SORCS3: variants seen among roughly 807,000 people sequenced by gnomAD.
The protein encoded by SORCS3 is sortilin related VPS10 domain containing receptor 3, also known as VPS10 domain-containing receptor SorCS3.
A neutral mutation model predicts 146.3 loss-of-function variants in SORCS3; 57 were observed. The observed-to-expected ratio is 0.39, with a 90% confidence interval of 0.31 to 0.49. SORCS3 has a LOEUF of 0.49. SORCS3 is among the 20% of genes least tolerant of loss of function. SORCS3 has a pLI of 0.92. For synonymous variants in SORCS3, 653 were observed against 618.5 expected (o/e 1.06, Z -0.83); for missense variants, 1,341 against 1,575.5 (o/e 0.85, Z 2.52).
At chr10:104,751,181 C>A (rs577263876) in intron 1 of SORCS3, among the ~76,000 whole-genome samples, 1 of 152,208 alleles carries the variant, frequency 6.6e-6, no homozygotes, top group African/African-American at 2.4e-5. Context: ...TGGTGCTAAT[C>A]TGTAGCAGCC....
intron 2 of SORCS3, among the ~76,000 whole-genome samples, chr10:104,856,865 T>G (rs1293137138): frequency 6.9e-6 from 1 of 145,008 alleles, no homozygotes; most frequent in Non-Finnish European, 1.5e-5. Flanking sequence ...TATATATAAA[T>G]AAATTAGAGA....
At chr10:105,150,533 G>A (rs1378439937) in intron 9 of SORCS3, among the ~76,000 whole-genome samples, 2 of 152,128 alleles carry the variant, frequency 1.3e-5, no homozygotes, top group Non-Finnish European at 2.9e-5. Context: ...AGAAGAAGGA[G>A]GCATTCCAAA....
At chr10:105,099,903 C>A (rs2055771448) in intron 6 of SORCS3, among the ~76,000 whole-genome samples, 1 of 152,194 alleles carries the variant, frequency 6.6e-6, no homozygotes, top group East Asian at 1.9e-4. Context: ...GGGCAAGAAC[C>A]TGTCTGATGT....
intron 1 of SORCS3, among the ~76,000 whole-genome samples, chr10:104,689,695 A>G (rs909667199): frequency 6.6e-6 from 1 of 152,030 alleles, no homozygotes; most frequent in South Asian, 2.1e-4. Flanking sequence ...TCACCACTGG[A>G]TGATAACATC....
chr10:104,957,166 G>A (rs115612287), intron 3 of SORCS3, among the ~76,000 whole-genome samples: 242 of 152,140 alleles, frequency 1.6e-3, no homozygotes, highest in African/African-American at 5.6e-3. Flanking sequence ...GGCTGAGTGC[G>A]GGAAGTGAAG....
chr10:105,255,689 C>G lies in SORCS3; in HGVS notation c.3238-13C>G. 6.3e-7 allele frequency: 1 copy of G among 1,597,342 alleles called. No homozygotes were observed. The highest frequency in any genetic ancestry group is 1.3e-5 in the African/African-American group (1 of 74,694). On this transcript the variant is annotated splice_polypyrimidine_tract_variant and intron_variant, in intron 23 of 26. Transcript: ENST00000369701. ...TGTCATGTCACCCCATGCATCCTGTCTTATTTTTTCAGATTGTAGAAACAC... is the reference window on the plus strand; with the variant it reads ...TGTCATGTCACCCCATGCATCCTGTGTTATTTTTTCAGATTGTAGAAACAC...
chr10:104,843,165 A>G (rs925053410), intron 2 of SORCS3, among the ~76,000 whole-genome samples: 4 of 152,186 alleles, frequency 2.6e-5, no homozygotes, highest in African/African-American at 4.8e-5. Flanking sequence ...ATGCACGAGT[A>G]GAGGTTCTTG....
intron 14 of SORCS3, among the ~76,000 whole-genome samples, chr10:105,188,814 C>T (rs1304164920): frequency 1.3e-5 from 2 of 152,134 alleles, no homozygotes. Context: ...ATAATTTGCT[C>T]TCAAATTAAT....
chr10:104,803,961 CTT>C (rs1370362067), intron 1 of SORCS3, among the ~76,000 whole-genome samples: 1 of 152,206 alleles, frequency 6.6e-6, no homozygotes, highest in Non-Finnish European at 1.5e-5. Flanking sequence ...GCCCCATCCT[CTT>C]TTACCACACA....
intron 20 of SORCS3, among the ~76,000 whole-genome samples, chr10:105,229,098 C>T (rs530384965): frequency 1.3e-3 from 204 of 151,974 alleles, no homozygotes; most frequent in South Asian, 2.7e-3. Context: ...AACCTGTTTT[C>T]GGGATCTGAG....
intron 1 of SORCS3, among the ~76,000 whole-genome samples, chr10:104,696,983 G>A (rs955912310): frequency 1.9e-4 from 28 of 150,754 alleles, no homozygotes; most frequent in Middle Eastern, 3.4e-3. Flanking sequence ...AGGATATGGC[G>A]ATACGTTGTA....
At chr10:104,671,640 G>C (rs1486506634) in intron 1 of SORCS3, among the ~76,000 whole-genome samples, 2 of 151,696 alleles carry the variant, frequency 1.3e-5, no homozygotes, top group Non-Finnish European at 2.9e-5. Context: ...GCCTGGCTGG[G>C]GTAGTTTCCT....
chr10:105,063,666 G>A (rs543951073), intron 5 of SORCS3, among the ~76,000 whole-genome samples: 2 of 152,160 alleles, frequency 1.3e-5, no homozygotes, highest in Non-Finnish European at 2.9e-5. Context: ...GACAATAATT[G>A]TTTGGGCCTT....
At chr10:104,751,924 CATATAT>C (rs71482435) in intron 1 of SORCS3, among the ~76,000 whole-genome samples, 1,054 of 38,274 alleles carry the variant, frequency 0.028, 11 homozygotes, top group South Asian at 0.047. Context: ...TAATAGGAAG[CATATAT>C]ATATATATAT....
intron 1 of SORCS3, among the ~76,000 whole-genome samples, chr10:104,724,510 T>A (rs2016598087): frequency 6.6e-6 from 1 of 152,192 alleles, no homozygotes; most frequent in Non-Finnish European, 1.5e-5. Flanking sequence ...TTCCTGAATC[T>A]GAATGTTGGC....
At chr10:104,836,750 C>T (rs755754204) in intron 1 of SORCS3, among the ~76,000 whole-genome samples, 1 of 152,076 alleles carries the variant, frequency 6.6e-6, no homozygotes, top group Non-Finnish European at 1.5e-5. Flanking sequence ...ACAGCCTTGC[C>T]GTGTCTCTGA....
intron 19 of SORCS3, among the ~76,000 whole-genome samples, chr10:105,218,673 A>G (rs1271062293): frequency 6.6e-6 from 1 of 152,200 alleles, no homozygotes; most frequent in African/African-American, 2.4e-5. Flanking sequence ...CCTTTGTTAA[A>G]TGTCTACTAT....
chr10:104,785,002 C>T (rs989191745), intron 1 of SORCS3, among the ~76,000 whole-genome samples: 11 of 152,106 alleles, frequency 7.2e-5, no homozygotes, highest in Admixed American at 2.0e-4. Flanking sequence ...AGAGGGGCTC[C>T]TCACTTCCCA....
intron 20 of SORCS3, among the ~76,000 whole-genome samples, chr10:105,229,068 T>G (rs1020111556): frequency 6.6e-6 from 1 of 152,150 alleles, no homozygotes; most frequent in Non-Finnish European, 1.5e-5. Flanking sequence ...ACATTTTTGT[T>G]TGAGTGGGTT....
Sources: allele counts gnomAD v4.1 joint callset (sites outside exome capture counted in the v4.1 genomes callset), GRCh38; gene constraint gnomAD v4.1.1; transcripts MANE v1.5; gene names NCBI Gene and HGNC (gene_info 2026-07-23, HGNC 2026-07-21).